Variants in SIGLEC12 observed in about 807,000 individuals in gnomAD.
SIGLEC12 encodes sialic acid-binding Ig-like lectin 12.
In SIGLEC12, 43 loss-of-function variants were observed where a neutral mutation model predicts 54.1. That is an observed-to-expected ratio of 0.80 (90% confidence interval 0.62 to 1.03). The LOEUF is 1.03. SIGLEC12 is among the 50% of genes least tolerant of loss of function. The pLI is 0.00. For synonymous variants in SIGLEC12, 357 were observed against 307.6 expected, an observed-to-expected ratio of 1.16 and a Z score of -1.68; for missense variants, 802 against 735.2, an observed-to-expected ratio of 1.09 and a Z score of -1.05.
chr19:51,493,823 C>T (rs1438964618), intron 7 of SIGLEC12, among the ~76,000 whole-genome samples: 1 of 152,222 alleles, frequency 6.6e-6, no homozygotes, highest in Non-Finnish European at 1.5e-5. Context: ...TCTGCTCTGT[C>T]TTTCCTCTAC....
chr19:51,497,541 G>T, intron 5 of SIGLEC12, 96 bp from the exon 6 acceptor site: 1 of 836,700 alleles, frequency 1.2e-6, no homozygotes, highest in Non-Finnish European at 1.9e-6. Flanking sequence ...GGGTACCCCA[G>T]TCCCGCTTCC....
chr19:51,498,431 G>T, intron 4 of SIGLEC12, 144 bp from the exon 5 acceptor site: 2 of 674,476 alleles, frequency 3.0e-6, no homozygotes, highest in Non-Finnish European at 4.8e-6. Flanking sequence ...TCACTGTTGG[G>T]GATGTAAACT....
chr19:51,498,323 A>C, intron 4 of SIGLEC12, 36 bp from the exon 5 acceptor site: 1 of 1,547,264 alleles, frequency 6.5e-7, no homozygotes, highest in Non-Finnish European at 8.8e-7. Flanking sequence ...GAGAGAGACA[A>C]AGTGATCGAG....
intron 7 of SIGLEC12, among the ~76,000 whole-genome samples, chr19:51,495,251 G>A (rs1319916414): frequency 2.6e-5 from 3 of 117,350 alleles, no homozygotes; most frequent in African/African-American, 6.3e-5. Flanking sequence ...ATGGATGGAC[G>A]GGTGGGTGGG....
intron 7 of SIGLEC12, among the ~76,000 whole-genome samples, chr19:51,494,709 AC>A (rs1198386580): frequency 6.6e-6 from 1 of 152,236 alleles, no homozygotes; most frequent in African/African-American, 2.4e-5. Flanking sequence ...GGTGGAAGCA[AC>A]CCAAGTGTAC....
At chr19:51,492,674 G>A (rs942871108) in intron 7 of SIGLEC12, among the ~76,000 whole-genome samples, 30 of 152,170 alleles carry the variant, frequency 2.0e-4, no homozygotes, top group Admixed American at 9.8e-4. Context: ...TAGATAGATT[G>A]GAAGATGCCA....
rs1220021615 is a variant in SIGLEC12, at chr19:51,495,258, T to TGGACGGAC, written c.1599+1621_1599+1622insGTCCGTCC. Among the ~76,000 whole-genome samples the TGGACGGAC allele has an allele frequency of 5.3e-3, 617 of 116,080 alleles. 34 individuals carry two copies. The highest frequency in any genetic ancestry group is 0.013 in the East Asian group (50 of 3,762). 76.2% of individuals were successfully genotyped at this position (116,080 alleles called of 152,430 possible). A position where few individuals can be genotyped will look rare whatever the true frequency, so the allele number is the denominator to read the frequency against. On this transcript the variant is annotated intron_variant, in intron 7 of 7. Transcript: ENST00000291707. ...ATGGATGGATGGATGGACGGGTGGGTGGGTGGATGGATGGATGGATGGATG... is the reference window on the plus strand; with the variant it reads ...ATGGATGGATGGATGGACGGGTGGGTGGACGGACGGGTGGATGGATGGATGGATGGATG...
At chr19:51,498,443 G>C (rs185371913) in intron 4 of SIGLEC12, among the ~76,000 whole-genome samples, 156 bp from the exon 5 acceptor site, 1 of 152,326 alleles carries the variant, frequency 6.6e-6, no homozygotes, top group East Asian at 1.9e-4. Flanking sequence ...ATGTAAACTT[G>C]TCCATCTTTA....
intron 7 of SIGLEC12, among the ~76,000 whole-genome samples, chr19:51,495,828 G>A (rs752687514): frequency 3.9e-5 from 6 of 152,108 alleles, no homozygotes; most frequent in Non-Finnish European, 8.8e-5. Flanking sequence ...ACCTTCCACA[G>A]GCTTCCAGTC....
chr19:51,493,896 G>T (rs370673957), intron 7 of SIGLEC12, among the ~76,000 whole-genome samples: 3 of 152,282 alleles, frequency 2.0e-5, no homozygotes, highest in African/African-American at 7.2e-5. Context: ...AGTTAATCAT[G>T]GTCTCTTGCA....
chr19:51,497,897 C>T (rs1460644819), intron 5 of SIGLEC12, 121 bp downstream of exon 5: 3 of 1,412,728 alleles, frequency 2.1e-6, no homozygotes, highest in East Asian at 4.7e-5. Flanking sequence ...CCACCCCGCA[C>T]TCACTGCTTG....
chr19:51,494,739 A>T (rs530435790), intron 7 of SIGLEC12, among the ~76,000 whole-genome samples: 1 of 152,368 alleles, frequency 6.6e-6, no homozygotes, highest in Admixed American at 6.5e-5. Flanking sequence ...ATAAATGGAT[A>T]AAGAAAATGC....
chr19:51,499,056 G>C (rs899467226), intron 4 of SIGLEC12, 114 bp downstream of exon 4: 3 of 1,039,552 alleles, frequency 2.9e-6, no homozygotes, highest in South Asian at 1.4e-5. Context: ...GGCTGAGGGA[G>C]GGGGGGGCCG....
At chr19:51,500,454 AGG>A in intron 1 of SIGLEC12, 154 bp from the exon 2 acceptor site, 1 of 1,372,398 alleles carries the variant, frequency 7.3e-7, no homozygotes, top group Non-Finnish European at 1.0e-6. Context: ...TGGGACCCAC[AGG>A]GGGCTGGAGA....
Position 51,495,339 on chromosome 19 carries a change from GGATGGATGGATGGACA to G in SIGLEC12, c.1599+1525_1599+1540del, listed in dbSNP as rs1476472680. 8.1e-5 allele frequency among the ~76,000 whole-genome samples: 8 copies of G among 99,220 alleles called. 1 individual carries two copies. Among genetic ancestry groups the G allele is most frequent in the African/African-American group, 2.1e-4 (6 of 28,670 alleles). The allele number at this position is 99,220 out of a possible 152,430, so 65.1% of individuals were successfully genotyped here. On this transcript the variant is annotated intron_variant, in intron 7 of 7. Transcript: ENST00000291707. ...TGGATGGATGGATGGATGGATGGAT[GGATGGATGGATGGACA>G]GACGGGTGGGTGGATGGATGGATGG...
intron 7 of SIGLEC12, 80 bp downstream of exon 7, chr19:51,496,800 G>T: frequency 6.6e-7 from 1 of 1,505,704 alleles, no homozygotes; most frequent in Non-Finnish European, 9.2e-7. Context: ...AGAAAGGAAG[G>T]ACAGTGAGGA....
At chr19:51,493,979 G>A (rs1990167067) in intron 7 of SIGLEC12, among the ~76,000 whole-genome samples, 1 of 152,226 alleles carries the variant, frequency 6.6e-6, no homozygotes, top group Non-Finnish European at 1.5e-5. Flanking sequence ...CTTCTCCAAA[G>A]TCATTTCCTG....
chr19:51,496,766 A>G, intron 7 of SIGLEC12, 114 bp downstream of exon 7: 1 of 1,160,632 alleles, frequency 8.6e-7, no homozygotes, highest in Non-Finnish European at 1.3e-6. Flanking sequence ...AGTGGACAGG[A>G]CGTGATTTTT....
chr19:51,493,261 C>T (rs963767269), intron 7 of SIGLEC12, among the ~76,000 whole-genome samples: 1 of 152,340 alleles, frequency 6.6e-6, no homozygotes, highest in East Asian at 1.9e-4. Flanking sequence ...AACTACAGGA[C>T]ATCGTGCTTT....
Sources: allele counts gnomAD v4.1 joint callset (sites outside exome capture counted in the v4.1 genomes callset), GRCh38; gene constraint gnomAD v4.1.1; transcripts MANE v1.5; gene names NCBI Gene and HGNC (gene_info 2026-07-23, HGNC 2026-07-21).